The following TPP2 variants were observed in gnomAD, a reference collection of about 807,000 sequenced individuals.
TPP2 encodes tripeptidyl-peptidase 2.
In TPP2, 34 loss-of-function variants were observed where a neutral mutation model predicts 155.9. That is an observed-to-expected ratio of 0.22 (90% confidence interval 0.17 to 0.29). The LOEUF (loss-of-function observed/expected upper bound fraction) is 0.29. Among genes scored for constraint, TPP2 ranks in the 10% least tolerant of loss-of-function variants. The pLI is 1.00. For synonymous variants in TPP2, 510 were observed against 529.4 expected (o/e 0.96, Z 0.50); for missense variants, 1,028 against 1,522.3 (o/e 0.68, Z 5.40).
chr13:102,634,406 C>T (rs985469971), intron 11 of TPP2, among the ~76,000 whole-genome samples: 1 of 152,066 alleles, frequency 6.6e-6, no homozygotes, highest in Non-Finnish European at 1.5e-5. Flanking sequence ...TTGGGATAAA[C>T]AGACTCTGAA....
intron 28 of TPP2, among the ~76,000 whole-genome samples, chr13:102,674,722 T>C (rs1167922868): frequency 1.3e-5 from 2 of 152,220 alleles, no homozygotes; most frequent in Admixed American, 6.5e-5. Flanking sequence ...AAAAACAGTT[T>C]GAGAATATGT....
Position 102,679,604 on chromosome 13 carries a change from T to A in TPP2, c.*1288T>A. 6.6e-6 allele frequency: 1 copy of A among 152,246 alleles called. No homozygotes were observed. The highest frequency in any genetic ancestry group is 1.5e-5 in the Non-Finnish European group (1 of 68,046). The allele number at this position is 152,246 out of a possible 1,614,324, so 9.4% of individuals were successfully genotyped here. Reference sequence around the variant, plus strand: ...AGCGTTTATGAGAAACATAAATACATGTATAAGCATATTGGTCACACCTTC... The same window carrying A: ...AGCGTTTATGAGAAACATAAATACAAGTATAAGCATATTGGTCACACCTTC... On this transcript the variant is annotated 3_prime_UTR_variant, in exon 30 of 30. Coordinates refer to ENST00000376052, the MANE Select transcript of TPP2 (RefSeq NM_001330588.2).
chr13:102,650,742 T>C (rs1883430795), intron 23 of TPP2, among the ~76,000 whole-genome samples: 1 of 152,170 alleles, frequency 6.6e-6, no homozygotes, highest in African/African-American at 2.4e-5. Flanking sequence ...TCAGAAATAG[T>C]TACTACTTCC....
intron 6 of TPP2, among the ~76,000 whole-genome samples, chr13:102,623,518 G>A (rs1881326043): frequency 6.6e-6 from 1 of 152,142 alleles, no homozygotes. Flanking sequence ...AGCCGAGATC[G>A]TGCCATTGCA....
intron 10 of TPP2, among the ~76,000 whole-genome samples, chr13:102,630,587 A>G (rs1238713698): frequency 6.6e-6 from 1 of 152,188 alleles, no homozygotes; most frequent in Non-Finnish European, 1.5e-5. Context: ...CATAGGGCCC[A>G]CGTACCTGTG....
At chr13:102,624,901 C>G (rs955498127) in intron 6 of TPP2, among the ~76,000 whole-genome samples, 4 of 132,678 alleles carry the variant, frequency 3.0e-5, no homozygotes, top group African/African-American at 1.2e-4. Flanking sequence ...CTCTGTCGCC[C>G]AGGCTGGAGT....
At chr13:102,632,499 G>A (rs900290705) in intron 10 of TPP2, among the ~76,000 whole-genome samples, 1 of 151,988 alleles carries the variant, frequency 6.6e-6, no homozygotes, top group African/African-American at 2.4e-5. Flanking sequence ...CTCGGCCTCC[G>A]AAAGTGCTGG....
intron 19 of TPP2, 133 bp downstream of exon 19, chr13:102,645,142 G>C: frequency 1.2e-6 from 1 of 826,544 alleles, no homozygotes; most frequent in South Asian, 1.9e-5. Flanking sequence ...CTTGCCAGCA[G>C]ATCTCTGCAA....
At chr13:102,651,300 T>C (rs1190500487) in intron 23 of TPP2, 59 bp from the exon 24 acceptor site, 7 of 1,536,646 alleles carry the variant, frequency 4.6e-6, no homozygotes, top group Non-Finnish European at 5.3e-6. Flanking sequence ...ACAGAGGTTC[T>C]GTCTCCATCC....
intron 2 of TPP2, among the ~76,000 whole-genome samples, chr13:102,610,682 T>G (rs1346235457): frequency 6.6e-6 from 1 of 152,234 alleles, no homozygotes; most frequent in East Asian, 1.9e-4. Context: ...AAGGATGATA[T>G]TCCTAGGCTT....
At position 102,622,929 on chromosome 13, in the gene TPP2, A is replaced by G. The variant is rs145635131; in HGVS notation, c.673A>G (p.Arg225Gly). 2.0e-4 allele frequency: 327 copies of G among 1,614,154 alleles called. 1 individual carries two copies. The highest frequency in any genetic ancestry group is 1.6e-3 in the South Asian group (145 of 91,084). Residue 225 changes from arginine to glycine, a missense_variant, in exon 6 of 30, where the codon AGA becomes GGA. Physicochemically the swap from Arg to Gly is moderately radical, Grantham distance 125. Around this residue, in one of 7 missense-constraint regions of TPP2, gnomAD observed 300 missense variants for 398.3 expected, o/e 0.75. Coordinates refer to ENST00000376052, the MANE Select transcript of TPP2 (RefSeq NM_001330588.2). ...GGACTTGAGTAAATCTACCGTGTTG[A>G]GAAACTACAAAGAAGCCCAAGAATA... ...DGDLSKSTVL[R>G]NYKEAQEYGS...
intron 25 of TPP2, among the ~76,000 whole-genome samples, chr13:102,663,126 A>C (rs559607208): frequency 3.6e-3 from 303 of 84,690 alleles, no homozygotes; most frequent in Non-Finnish European, 4.0e-3. Flanking sequence ...TGATTTATTT[A>C]TTTATTTTTT....
intron 19 of TPP2, 45 bp from the exon 20 acceptor site, chr13:102,646,249 A>C (rs1360321639): frequency 6.6e-7 from 1 of 1,509,470 alleles, no homozygotes; most frequent in Non-Finnish European, 9.0e-7. Flanking sequence ...TGTCTCATTC[A>C]ATGAACTCTT....
intron 25 of TPP2, among the ~76,000 whole-genome samples, chr13:102,658,709 TAATG>T (rs1884011095): frequency 6.6e-6 from 1 of 152,202 alleles, no homozygotes; most frequent in Non-Finnish European, 1.5e-5. Context: ...CTCTCCCAGT[TAATG>T]AGCCAGAAAT....
At chr13:102,660,465 A>G (rs755561114) in intron 25 of TPP2, among the ~76,000 whole-genome samples, 53 of 152,218 alleles carry the variant, frequency 3.5e-4, no homozygotes, top group Non-Finnish European at 7.1e-4. Flanking sequence ...ATACGTCAAA[A>G]CTACAAAACA....
intron 25 of TPP2, among the ~76,000 whole-genome samples, chr13:102,662,108 A>G (rs1189746916): frequency 6.6e-6 from 1 of 152,204 alleles, no homozygotes; most frequent in African/African-American, 2.4e-5. Context: ...ACATGCTCCA[A>G]CATGAATGCA....
At chr13:102,638,851 G>A (rs1882564112) in intron 15 of TPP2, among the ~76,000 whole-genome samples, 1 of 152,144 alleles carries the variant, frequency 6.6e-6, no homozygotes, top group African/African-American at 2.4e-5. Flanking sequence ...ACCTCCAAAG[G>A]TCAAGTTCAA....
intron 22 of TPP2, 28 bp from the exon 23 acceptor site, chr13:102,649,380 T>A (rs747841184): frequency 3.8e-6 from 6 of 1,589,778 alleles, no homozygotes; most frequent in Admixed American, 1.9e-5. Flanking sequence ...TTTTGTTGCT[T>A]TTTTTCTCTT....
Position 102,646,413 on chromosome 13 carries a change from G to T in TPP2, c.2490+23G>T. 3 of 1,576,680 alleles carry T rather than the reference G, an allele frequency of 1.9e-6. No homozygotes were observed. The African/African-American group carries it at 4.1e-5, about 21-fold the overall frequency. Reference sequence around the variant, plus strand: ...CAAGTAAGTGTTTGCCTAGTAAAGTGTACCCTTAGGATGAACTTTTGTGTT... The same window carrying T: ...CAAGTAAGTGTTTGCCTAGTAAAGTTTACCCTTAGGATGAACTTTTGTGTT... On this transcript the variant is annotated intron_variant, in intron 20 of 29. Transcript: ENST00000376052.
Sources: gnomAD v4.1 joint callset for allele counts (sites outside exome capture counted in the v4.1 genomes callset) on GRCh38, gnomAD v4.1.1 for gene constraint, gnomAD v4.1.1 regional missense constraint, MANE v1.5 for transcripts, NCBI Gene and HGNC (gene_info 2026-07-23, HGNC 2026-07-21) for gene names.